BICD1: variants seen among roughly 807,000 people sequenced by gnomAD.
BICD1 encodes BICD cargo adaptor 1.
Under a neutral mutation model 92.5 loss-of-function variants are expected in BICD1, and 35 were observed. That is an observed-to-expected ratio of 0.38 (90% CI 0.29 to 0.50). The LOEUF (loss-of-function observed/expected upper bound fraction) is 0.50. BICD1 is among the 20% of genes least tolerant of loss of function. BICD1 has a pLI of 0.93. For synonymous variants in BICD1, 429 were observed against 465.1 expected (o/e 0.92, Z 1.00); for missense variants, 950 against 1,189.8 (o/e 0.80, Z 2.97).
intron 2 of BICD1, chr12:32,227,399 C>T (rs961991495): frequency 1.3e-5 from 2 of 152,424 alleles, no homozygotes; most frequent in Non-Finnish European, 2.9e-5. Flanking sequence ...AGGGAGTCTA[C>T]TGGGTCTTCT....
chr12:32,136,909 A>G (rs1321180407), intron 1 of BICD1, among the ~76,000 whole-genome samples: 1 of 152,236 alleles, frequency 6.6e-6, no homozygotes, highest in African/African-American at 2.4e-5. Flanking sequence ...GAAATTAAGA[A>G]GGTGATTCTT....
chr12:32,340,769 T>G (rs1938336300), intron 8 of BICD1: 1 of 162,408 alleles, frequency 6.2e-6, no homozygotes, highest in South Asian at 2.0e-4. Context: ...TCATAGATTT[T>G]GTTTCAGATG....
At chr12:32,369,845 G>A (rs917137955) in intron 9 of BICD1, among the ~76,000 whole-genome samples, 3 of 152,010 alleles carry the variant, frequency 2.0e-5, no homozygotes. Context: ...GGTCAAGACT[G>A]CAGCAAGCTG....
At chr12:32,238,420 G>A (rs1158247098) in intron 2 of BICD1, among the ~76,000 whole-genome samples, 1 of 152,154 alleles carries the variant, frequency 6.6e-6, no homozygotes, top group Non-Finnish European at 1.5e-5. Context: ...TTTCTTGGGA[G>A]GGAATCTATT....
At chr12:32,114,878 T>C (rs1450868692) in intron 1 of BICD1, among the ~76,000 whole-genome samples, 1 of 152,232 alleles carries the variant, frequency 6.6e-6, no homozygotes, top group Non-Finnish European at 1.5e-5. Flanking sequence ...AGTGGAAAAT[T>C]AGCCCTTACT....
At chr12:32,166,205 G>A (rs1017129636) in intron 1 of BICD1, among the ~76,000 whole-genome samples, 38 of 151,436 alleles carry the variant, frequency 2.5e-4, no homozygotes, top group African/African-American at 8.8e-4. Flanking sequence ...GCGCAATCTC[G>A]GCTCACTGCA....
Position 32,185,082 on chromosome 12 carries a change from A to C in BICD1, c.214-31165A>C, listed in dbSNP as rs902727546. On this transcript the variant is annotated intron_variant, in intron 1 of 9. Transcript: ENST00000652176. ...CTCCACCCCTGCCACAGCCTTCACT[A>C]TTTGGCAGGGGAAGCAGAGACTCTG... is the stretch of plus-strand genomic sequence containing the variant. Among the ~76,000 whole-genome samples, 21 of 152,276 alleles carry C rather than the reference A, an allele frequency of 1.4e-4. No individual in the cohort carries two copies. In the East Asian group the frequency reaches 3.9e-3, roughly 28 times the overall value.
intron 5 of BICD1, chr12:32,332,825 G>A: frequency 1.0e-6 from 1 of 969,810 alleles, no homozygotes; most frequent in Non-Finnish European, 1.2e-6. Context: ...ATATATTCAG[G>A]GAATGCTCAC....
intron 8 of BICD1, among the ~76,000 whole-genome samples, chr12:32,355,435 C>A (rs190041914): frequency 2.9e-4 from 44 of 152,286 alleles, no homozygotes; most frequent in South Asian, 6.2e-4. Context: ...TGCCTGCTCT[C>A]AAGGAGCTGC....
In BICD1 at chr12:32,337,382, C is replaced by T. The variant is rs1938175166; in HGVS notation, c.2253-117C>T. 2.2e-6 allele frequency: 2 copies of T among 890,978 alleles called. No individual in the cohort carries two copies. The highest frequency in any genetic ancestry group is 3.5e-5 in the South Asian group (2 of 57,018). The allele number at this position is 890,978 out of a possible 1,614,324, so 55.2% of individuals were successfully genotyped here. ...GGTTATCTACATTCTATTGCTAGACCTTTAAACCAGTCTTCTAAATTTCTA... is the reference window on the plus strand; with the variant it reads ...GGTTATCTACATTCTATTGCTAGACTTTTAAACCAGTCTTCTAAATTTCTA... On this transcript the variant is annotated intron_variant, in intron 6 of 9. Coordinates refer to ENST00000652176, the MANE Select transcript of BICD1 (RefSeq NM_001714.4). This position sits in a 1 kb window ranked among gnomAD's most constrained non-coding sequence, Gnocchi z 4.7.
At chr12:32,211,541 T>C (rs1198027514) in intron 1 of BICD1, among the ~76,000 whole-genome samples, 1 of 152,106 alleles carries the variant, frequency 6.6e-6, no homozygotes, top group African/African-American at 2.4e-5. Context: ...TCTTAAGACT[T>C]TAGGGGTTGT....
At chr12:32,339,738 G>A (rs777071441) in intron 8 of BICD1, 616 of 985,232 alleles carry the variant, frequency 6.3e-4, no homozygotes, top group Non-Finnish European at 7.2e-4. Flanking sequence ...TGGCAAACAA[G>A]GAGCCCATAA....
intron 2 of BICD1, among the ~76,000 whole-genome samples, chr12:32,252,317 C>T (rs569259540): frequency 1.3e-5 from 2 of 150,318 alleles, no homozygotes; most frequent in South Asian, 4.2e-4. Flanking sequence ...AAACCAGTTT[C>T]CCTAGAAGCA....
At chr12:32,274,705 C>T (rs961165245) in intron 2 of BICD1, among the ~76,000 whole-genome samples, 5 of 152,100 alleles carry the variant, frequency 3.3e-5, no homozygotes, top group Admixed American at 2.6e-4. Context: ...GCATTAGCCA[C>T]CCCATTCCAA....
chr12:32,216,477 C>T lies in BICD1; in HGVS notation c.426+18C>T. ...TGAAGGAGGTAAATAAACAAATTCC[C>T]TATGAGAGATTTGTGAGAGGGAGAA... On this transcript the variant is annotated intron_variant, in intron 2 of 9. Transcript: ENST00000652176. 6.2e-7 allele frequency: 1 copy of T among 1,608,796 alleles called. No homozygotes were observed. The highest frequency in any genetic ancestry group is 8.5e-7 in the Non-Finnish European group (1 of 1,176,646).
At chr12:32,182,158 G>C (rs1019006329) in intron 1 of BICD1, among the ~76,000 whole-genome samples, 1 of 151,792 alleles carries the variant, frequency 6.6e-6, no homozygotes, top group African/African-American at 2.4e-5. Context: ...CAGAAAGGTG[G>C]TGGTAAATAT....
At chr12:32,225,621 G>GTTTTTGTTTTTTTTTTTTTTTT (rs1411722126) in intron 2 of BICD1, among the ~76,000 whole-genome samples, 10 of 92,786 alleles carry the variant, frequency 1.1e-4, no homozygotes, top group East Asian at 4.6e-4. Context: ...CTTTTTTTCT[G>GTTTTTGTTTTTTTTTTTTTTTT]TTTTTTTTTT....
intron 4 of BICD1, among the ~76,000 whole-genome samples, chr12:32,310,953 G>T (rs1948357662): frequency 6.6e-6 from 1 of 152,000 alleles, no homozygotes; most frequent in Admixed American, 6.6e-5. Flanking sequence ...CTCAATGTAT[G>T]CCCATGATTT....
intron 2 of BICD1, among the ~76,000 whole-genome samples, chr12:32,234,425 C>A (rs1945997150): frequency 6.6e-6 from 1 of 151,426 alleles, no homozygotes. Flanking sequence ...TGGAGAAACC[C>A]CATCTCTACT....
Sources: gnomAD v4.1 joint callset for allele counts (sites outside exome capture counted in the v4.1 genomes callset) on GRCh38, gnomAD v4.1.1 for gene constraint, Gnocchi (gnomAD v3.1) non-coding constraint, MANE v1.5 for transcripts, NCBI Gene and HGNC (gene_info 2026-07-23, HGNC 2026-07-21) for gene names.